Variants in HS6ST2 observed in about 807,000 individuals in gnomAD.
HS6ST2 encodes heparan-sulfate 6-O-sulfotransferase 2.
A neutral mutation model predicts 33.0 loss-of-function variants in HS6ST2; 17 were observed. That is an observed-to-expected ratio of 0.52 (90% CI 0.35 to 0.77). HS6ST2 has a LOEUF of 0.77. Among genes scored for constraint, HS6ST2 ranks in the 30% least tolerant of loss-of-function variants. The probability of loss-of-function intolerance (pLI) is 0.01; values close to 1 mark genes in which losing one functional copy is unlikely to be tolerated. For synonymous variants in HS6ST2, 248 were observed against 237.1 expected, an observed-to-expected ratio of 1.05 and a Z score of -0.42; for missense variants, 519 against 551.7, an observed-to-expected ratio of 0.94 and a Z score of 0.59.
At chrX:132,859,275 C>G (rs1369520369) in intron 2 of HS6ST2, among the ~76,000 whole-genome samples, 1 of 111,660 alleles carries the variant, frequency 9.0e-6, no homozygotes, top group African/African-American at 3.3e-5. Flanking sequence ...AACTACAGTG[C>G]CATTGAAAAC....
intron 2 of HS6ST2, among the ~76,000 whole-genome samples, chrX:132,847,963 G>A (rs2065767919): frequency 8.9e-6 from 1 of 112,448 alleles, no homozygotes; most frequent in South Asian, 3.7e-4. Context: ...TTCTAATGCC[G>A]TGTCTTTGAG....
At chrX:132,647,682 T>C (rs1030989684) in intron 4 of HS6ST2, among the ~76,000 whole-genome samples, 11 of 112,336 alleles carry the variant, frequency 9.8e-5, no homozygotes, top group African/African-American at 3.6e-4. Context: ...AGGAAATGAA[T>C]GAAGCCAAGT....
chrX:132,638,378 A>G (rs777517093), intron 4 of HS6ST2, among the ~76,000 whole-genome samples: 1 of 111,469 alleles, frequency 9.0e-6, no homozygotes, highest in South Asian at 3.8e-4. Context: ...CAGGAGTTTA[A>G]TAAATGCTGT....
chrX:132,822,812 G>C (rs926772791), intron 2 of HS6ST2, among the ~76,000 whole-genome samples: 11 of 112,240 alleles, frequency 9.8e-5, no homozygotes, highest in African/African-American at 3.6e-4. Context: ...GTTTCAGTCA[G>C]AGGCCTGTTG....
chrX:132,715,589 A>T lies in HS6ST2; in HGVS notation c.948-7095T>A, dbSNP rs1602603980. On this transcript the variant is annotated intron_variant, in intron 2 of 4. Transcript: ENST00000370833. ...AGGGACTTGCCACAGATCACAGAGCACATCAATGCCAGAGACAAAACCAAG... is the reference window on the plus strand; with the variant it reads ...AGGGACTTGCCACAGATCACAGAGCTCATCAATGCCAGAGACAAAACCAAG... 6.2e-5 allele frequency among the ~76,000 whole-genome samples: 7 copies of T among 112,333 alleles called. 2 individuals are homozygous for T. In the Admixed American group the frequency reaches 6.6e-4, roughly 11 times the overall value.
chrX:132,906,366 A>C (rs2066475679), intron 2 of HS6ST2, among the ~76,000 whole-genome samples: 2 of 112,639 alleles, frequency 1.8e-5, no homozygotes. Context: ...CCAACTTCTT[A>C]AACATTGTTA....
At chrX:132,690,827 A>T (rs1033730906) in intron 3 of HS6ST2, among the ~76,000 whole-genome samples, 49 of 111,718 alleles carry the variant, frequency 4.4e-4, no homozygotes, top group African/African-American at 1.6e-3. Context: ...CCCTCTTTTT[A>T]AAAAAGGAGT....
intron 2 of HS6ST2, among the ~76,000 whole-genome samples, chrX:132,855,717 A>G (rs1255287939): frequency 8.9e-6 from 1 of 112,022 alleles, no homozygotes; most frequent in Non-Finnish European, 1.9e-5. Context: ...TCTACTCCCT[A>G]CATTGGCATG....
chrX:132,829,592 C>T (rs992363018), intron 2 of HS6ST2, among the ~76,000 whole-genome samples: 2 of 111,212 alleles, frequency 1.8e-5, no homozygotes, highest in African/African-American at 3.3e-5. Flanking sequence ...TCAAGCCTTG[C>T]CCCTGCCAGC....
chrX:132,740,461 C>T (rs1186100748), intron 2 of HS6ST2, among the ~76,000 whole-genome samples: 1 of 111,531 alleles, frequency 9.0e-6, no homozygotes, highest in Admixed American at 9.6e-5. Flanking sequence ...AAACCATTCA[C>T]AATAGCGGGG....
At chrX:132,848,267 G>A (rs1369824530) in intron 2 of HS6ST2, among the ~76,000 whole-genome samples, 1 of 111,864 alleles carries the variant, frequency 8.9e-6, no homozygotes, top group Non-Finnish European at 1.9e-5. Flanking sequence ...ATCAGATAAG[G>A]AAGCACCATC....
chrX:132,728,599 A>G (rs1434844375), intron 2 of HS6ST2, among the ~76,000 whole-genome samples: 1 of 112,288 alleles, frequency 8.9e-6, no homozygotes, highest in Non-Finnish European at 1.9e-5. Flanking sequence ...TGAGGAGAGA[A>G]CATTCTCGGC....
chrX:132,629,418 CA>C (rs1339443830), intron 4 of HS6ST2, among the ~76,000 whole-genome samples: 3 of 111,354 alleles, frequency 2.7e-5, no homozygotes, highest in African/African-American at 9.8e-5. Context: ...TAACCAAAGA[CA>C]AAATCTTCCC....
chrX:132,741,985 A>G (rs1373337647), intron 2 of HS6ST2, among the ~76,000 whole-genome samples: 1 of 112,308 alleles, frequency 8.9e-6, no homozygotes, highest in Non-Finnish European at 1.9e-5. Flanking sequence ...AGTGCCTGTC[A>G]CACAAGACAC....
At chrX:132,771,038 G>C (rs959122844) in intron 2 of HS6ST2, among the ~76,000 whole-genome samples, 4 of 111,459 alleles carry the variant, frequency 3.6e-5, no homozygotes, top group African/African-American at 1.3e-4. Context: ...ACGATGTATG[G>C]TGAGTAAGAT....
intron 2 of HS6ST2, among the ~76,000 whole-genome samples, chrX:132,794,791 T>C (rs1249018204): frequency 9.0e-6 from 1 of 110,673 alleles, no homozygotes; most frequent in East Asian, 2.8e-4. Context: ...CACTGTGCAG[T>C]TGCAGAAGTT....
chrX:132,789,504 A>G (rs1056549817), intron 2 of HS6ST2, among the ~76,000 whole-genome samples: 2 of 112,018 alleles, frequency 1.8e-5, no homozygotes, highest in African/African-American at 6.5e-5. Flanking sequence ...TGTTGTTTTC[A>G]TGCCTGCTAA....
intron 2 of HS6ST2, among the ~76,000 whole-genome samples, chrX:132,740,196 T>C (rs752260688): frequency 8.9e-6 from 1 of 112,703 alleles, no homozygotes; most frequent in South Asian, 3.7e-4. Context: ...GCCAATTTTA[T>C]ATGCAAAAAT....
At chrX:132,805,371 C>T (rs1156702593) in intron 2 of HS6ST2, among the ~76,000 whole-genome samples, 1 of 111,348 alleles carries the variant, frequency 9.0e-6, no homozygotes, top group Middle Eastern at 4.2e-3. Flanking sequence ...GGGGAGAAGT[C>T]TCGGGTCTGA....
Sources: gnomAD v4.1 joint callset for allele counts (sites outside exome capture counted in the v4.1 genomes callset) on GRCh38, gnomAD v4.1.1 for gene constraint, MANE v1.5 for transcripts, NCBI Gene and HGNC (gene_info 2026-07-23, HGNC 2026-07-21) for gene names.